SLC25A32: variants seen among roughly 807,000 people sequenced by gnomAD.
SLC25A32 encodes Glycine auxotroph B, complementation of hamster.
In SLC25A32, 32 loss-of-function variants were observed where a neutral mutation model predicts 39.0. The ratio of observed to expected loss-of-function variants is 0.82; its 90% CI spans 0.62 to 1.10. SLC25A32 has a LOEUF of 1.10. Ranked by LOEUF, SLC25A32 falls within the 50% of genes least tolerant of loss-of-function variation. SLC25A32 has a pLI of 0.00. For missense variants in SLC25A32, 367 were observed against 395.3 expected, an observed-to-expected ratio of 0.93 and a Z score of 0.61; for synonymous variants, 166 against 152.4, an observed-to-expected ratio of 1.09 and a Z score of -0.66.
At chr8:103,407,958 A>AATATATATATATATATAAAT (rs141189562) in intron 1 of SLC25A32, among the ~76,000 whole-genome samples, 174 bp from the exon 2 acceptor site, 20 of 146,366 alleles carry the variant, frequency 1.4e-4, no homozygotes, top group Admixed American at 1.0e-3. Flanking sequence ...TATATATATA[A>AATATATATATATATATAAAT]ATATATATAT....
chr8:103,414,939 G>A lies in SLC25A32; in HGVS notation c.-2C>T, dbSNP rs1448619684. The A allele has an allele frequency of 2.5e-6, 4 of 1,601,086 alleles. No homozygotes were observed. Among genetic ancestry groups the A allele is most frequent in the Non-Finnish European group, 8.5e-7 (1 of 1,174,394 alleles). On this transcript the variant is annotated 5_prime_UTR_variant, in exon 1 of 7. Transcript: ENST00000297578. ...CGCCGACTGGCCCTGGCCCGTCATA[G>A]GCTCGGGGCCCGTCGACACCACGGC...
At chr8:103,406,210 G>GA (rs1275457846) in intron 2 of SLC25A32, among the ~76,000 whole-genome samples, 1 of 151,812 alleles carries the variant, frequency 6.6e-6, no homozygotes, top group African/African-American at 2.4e-5. Context: ...AAGAAAAAGA[G>GA]AAAAAATATT....
At position 103,415,089 on chromosome 8, in the gene SLC25A32, A is replaced by C. The variant is rs1438850899; in HGVS notation, c.-152T>G. ...TCTTATGCCCAAGGCGCGTGAGCGA[A>C]GCCGGAGACTCTAGTACTGAGGGGG... On this transcript the variant is annotated 5_prime_UTR_variant, in exon 1 of 7. Transcript: ENST00000297578. The C allele has an allele frequency of 1.2e-6, 2 of 1,610,230 alleles. No individual in the cohort carries two copies. The highest frequency in any genetic ancestry group is 1.7e-6 in the Non-Finnish European group (2 of 1,178,712).
chr8:103,402,018 C>A lies in SLC25A32; in HGVS notation c.589G>T (p.Ala197Ser). The A allele has an allele frequency of 6.2e-7, 1 of 1,612,980 alleles. No individual in the cohort carries two copies. Among genetic ancestry groups the A allele is most frequent in the Non-Finnish European group, 8.5e-7 (1 of 1,179,430 alleles). ...VPGLFGTSHG[A>S]LQFMAYELLK... ...AATTCATATGCCATAAACTGAAGGG[C>A]ACCATGCGATGTTCCAAACAGCCCA... is the stretch of plus-strand genomic sequence containing the variant. Residue 197 changes from alanine to serine, a missense_variant, in exon 5 of 7, where the codon GCC becomes TCC. Coordinates refer to ENST00000297578, the MANE Select transcript of SLC25A32 (RefSeq NM_030780.5).
At chr8:103,407,561 T>C (rs1816358491) in intron 2 of SLC25A32, 73 bp downstream of exon 2, 1 of 1,205,684 alleles carries the variant, frequency 8.3e-7, no homozygotes, top group African/African-American at 1.5e-5. Flanking sequence ...CATTTTACAT[T>C]TACATGTAAA....
rs775646961 is a variant in SLC25A32, at chr8:103,407,642, G to A, written c.297C>T (p.Tyr99=). ...IWGAGLSWGL[Y]FFFYNAIKSY... ...CTCCCAAATCTACTCACAAGAAAAA[G>A]TAGAGTCCCCAGGATAAACCTGCAC... Residue 99 remains tyrosine, a synonymous_variant, in exon 2 of 7, where the codon TAC becomes TAT. Coordinates refer to ENST00000297578, the MANE Select transcript of SLC25A32 (RefSeq NM_030780.5). 6.4e-7 allele frequency: 1 copy of A among 1,564,806 alleles called. No individual in the cohort carries two copies. The highest frequency in any genetic ancestry group is 2.3e-5 in the East Asian group (1 of 43,364).
intron 1 of SLC25A32, among the ~76,000 whole-genome samples, chr8:103,414,524 C>A (rs773022259): frequency 1.3e-5 from 2 of 152,186 alleles, no homozygotes; most frequent in African/African-American, 2.4e-5. Context: ...GGCTTTGAAT[C>A]CCATCTTCTC....
intron 6 of SLC25A32, among the ~76,000 whole-genome samples, 197 bp from the exon 7 acceptor site, chr8:103,400,743 G>C (rs1049333980): frequency 6.6e-6 from 1 of 152,172 alleles, no homozygotes; most frequent in African/African-American, 2.4e-5. Context: ...GATGGACTGA[G>C]TAAGAGAGGG....
chr8:103,400,329 G>T lies in SLC25A32; in HGVS notation c.*82C>A. 6.7e-7 allele frequency: 1 copy of T among 1,492,964 alleles called. No individual in the cohort carries two copies. Among genetic ancestry groups the T allele is most frequent in the Non-Finnish European group, 9.2e-7 (1 of 1,083,124 alleles). 92.5% of individuals were successfully genotyped at this position (1,492,964 alleles called of 1,614,324 possible). ...TTTCGAATATGAGCCATGTTTCTAT[G>T]CAGAATTCTTCTTTTATGCCTTAAA... is the stretch of plus-strand genomic sequence containing the variant. On this transcript the variant is annotated 3_prime_UTR_variant, in exon 7 of 7. Coordinates refer to ENST00000297578, the MANE Select transcript of SLC25A32 (RefSeq NM_030780.5).
chr8:103,408,772 C>G (rs1816396499), intron 1 of SLC25A32, among the ~76,000 whole-genome samples: 1 of 152,158 alleles, frequency 6.6e-6, no homozygotes. Context: ...ACACCAGATA[C>G]CTGGGGACTA....
At chr8:103,402,123 C>A (rs1402022921) in intron 4 of SLC25A32, 69 bp from the exon 5 acceptor site, 1 of 998,386 alleles carries the variant, frequency 1.0e-6, no homozygotes, top group Non-Finnish European at 1.5e-6. Context: ...AAGTAAAATA[C>A]TTTCTCTTCT....
chr8:103,405,511 C>T (rs557478531), intron 2 of SLC25A32, among the ~76,000 whole-genome samples: 37 of 152,110 alleles, frequency 2.4e-4, no homozygotes, highest in Admixed American at 4.6e-4. Context: ...GAAAATTGGC[C>T]ACACTTGAGT....
At chr8:103,412,061 T>C (rs1182968382) in intron 1 of SLC25A32, among the ~76,000 whole-genome samples, 1 of 152,280 alleles carries the variant, frequency 6.6e-6, no homozygotes, top group East Asian at 1.9e-4. Flanking sequence ...TTCTGTAAGA[T>C]AGGAAAAAAT....
chr8:103,409,553 C>A (rs1022925743), intron 1 of SLC25A32, among the ~76,000 whole-genome samples: 6 of 152,048 alleles, frequency 3.9e-5, no homozygotes, highest in African/African-American at 1.4e-4. Flanking sequence ...TGATATGGGT[C>A]AATGGGTATA....
At chr8:103,406,049 A>ATGTGTGTG (rs376348142) in intron 2 of SLC25A32, among the ~76,000 whole-genome samples, 19 of 146,040 alleles carry the variant, frequency 1.3e-4, no homozygotes, top group African/African-American at 4.8e-4. Context: ...CAAATTCATG[A>ATGTGTGTG]TGTGTGTGTG....
Position 103,400,357 on chromosome 8 carries a change from CAA to C in SLC25A32, c.*52_*53del. 1 of 1,600,224 alleles carries C rather than the reference CAA, an allele frequency of 6.2e-7. No individual in the cohort carries two copies. Among genetic ancestry groups the C allele is most frequent in the Non-Finnish European group, 8.5e-7 (1 of 1,170,980 alleles). ...GAATTCTTCTTTTATGCCTTAAACA[CAA>C]AAGAGCTTGTTGCTGCCTTGGGCAG... On this transcript the variant is annotated 3_prime_UTR_variant, in exon 7 of 7. Coordinates refer to ENST00000297578, the MANE Select transcript of SLC25A32 (RefSeq NM_030780.5).
intron 1 of SLC25A32, among the ~76,000 whole-genome samples, 160 bp from the exon 2 acceptor site, chr8:103,407,944 T>TACATATATATATAAATATATATATATATA (rs1394498588): frequency 6.9e-5 from 10 of 145,830 alleles, no homozygotes; most frequent in East Asian, 2.0e-4. Flanking sequence ...ATATATATAT[T>TACATATATATATAAATATATATATATATA]ACATATATAT....
intron 3 of SLC25A32, 83 bp downstream of exon 3, chr8:103,404,693 G>A (rs770646177): frequency 2.0e-5 from 16 of 804,064 alleles, no homozygotes; most frequent in Admixed American, 1.1e-4. Context: ...TTAAACTCAG[G>A]TGTTCAAAGA....
chr8:103,403,190 A>T lies in SLC25A32; in HGVS notation c.526T>A (p.Tyr176Asn). 6.2e-7 allele frequency: 1 copy of T among 1,610,162 alleles called. No homozygotes were observed. Among genetic ancestry groups the T allele is most frequent in the Non-Finnish European group, 8.5e-7 (1 of 1,177,120 alleles). ...TTATATAATCCACGCACACCTTCAT[A>T]CTTATATATTTTCACAAGTGTATCA... ...MFDTLVKIYKYEGVRGLYKGF... is the reference protein window; with the variant it reads ...MFDTLVKIYKNEGVRGLYKGF... The change falls in exon 4 of 7, where the codon TAT becomes AAT. Residue 176 changes from tyrosine (Y) to asparagine (N), a missense_variant. Coordinates refer to ENST00000297578, the MANE Select transcript of SLC25A32 (RefSeq NM_030780.5).
Sources: gnomAD v4.1 joint callset for allele counts (sites outside exome capture counted in the v4.1 genomes callset) on GRCh38, gnomAD v4.1.1 for gene constraint, MANE v1.5 for transcripts, NCBI Gene and HGNC (gene_info 2026-07-23, HGNC 2026-07-21) for gene names.